Variants in RBFOX2 observed in about 807,000 individuals in gnomAD.
RBFOX2 encodes RNA binding fox-1 homolog 2.
A neutral mutation model predicts 49.1 loss-of-function variants in RBFOX2; 10 were observed. The ratio of observed to expected loss-of-function variants is 0.20; its 90% CI spans 0.13 to 0.35. The LOEUF is 0.35. RBFOX2 is among the 10% of genes least tolerant of loss of function. RBFOX2 has a pLI of 1.00. For missense variants in RBFOX2, 323 were observed against 486.9 expected (o/e 0.66, Z 3.17); for synonymous variants, 183 against 187.4 (o/e 0.98, Z 0.19).
intron 1 of RBFOX2, among the ~76,000 whole-genome samples, chr22:35,820,803 C>T (rs1954285079): frequency 2.0e-5 from 3 of 152,192 alleles, no homozygotes; most frequent in Admixed American, 6.5e-5. Context: ...GACCAACACT[C>T]AGCATCAGGA....
chr22:35,896,313 C>T (rs1569468794), intron 1 of RBFOX2, among the ~76,000 whole-genome samples: 1 of 152,292 alleles, frequency 6.6e-6, no homozygotes, highest in African/African-American at 2.4e-5. Flanking sequence ...AGTAGGTGCA[C>T]AAAACATTCT....
chr22:35,782,187 G>C (rs1348395570), intron 2 of RBFOX2, among the ~76,000 whole-genome samples: 1 of 152,026 alleles, frequency 6.6e-6, no homozygotes, highest in Non-Finnish European at 1.5e-5. Context: ...ATGATCTCAG[G>C]CTCTCTCAAG....
At chr22:35,864,074 C>A (rs1325284493) in intron 1 of RBFOX2, among the ~76,000 whole-genome samples, 3 of 152,152 alleles carry the variant, frequency 2.0e-5, no homozygotes, top group African/African-American at 7.2e-5. Context: ...CAAACATATT[C>A]TCTTAATTTC....
At chr22:35,758,578 G>T (rs1937595195) in intron 9 of RBFOX2, among the ~76,000 whole-genome samples, 1 of 152,156 alleles carries the variant, frequency 6.6e-6, no homozygotes, top group Admixed American at 6.5e-5. Context: ...GATGTCAGAG[G>T]TTGAAGGTCA....
At chr22:35,872,372 G>C (rs894295706) in intron 1 of RBFOX2, among the ~76,000 whole-genome samples, 1 of 152,124 alleles carries the variant, frequency 6.6e-6, no homozygotes, top group Admixed American at 6.5e-5. Context: ...TTAGTTTGCC[G>C]TCTATAGGCG....
chr22:35,820,908 C>A (rs1954310696), intron 1 of RBFOX2, among the ~76,000 whole-genome samples: 1 of 152,100 alleles, frequency 6.6e-6, no homozygotes, highest in South Asian at 2.1e-4. Flanking sequence ...GAACTACATA[C>A]AATAGCCACA....
chr22:35,883,551 A>G (rs534703404), intron 1 of RBFOX2, among the ~76,000 whole-genome samples: 1 of 152,250 alleles, frequency 6.6e-6, no homozygotes, highest in East Asian at 1.9e-4. Context: ...TCTCAATTTC[A>G]TCACCCTCTG....
upstream of RBFOX2, among the ~76,000 whole-genome samples, chr22:35,942,770 G>A (rs532268357): frequency 6.6e-6 from 1 of 151,278 alleles, no homozygotes; most frequent in South Asian, 2.1e-4. Context: ...TATAAAGAAG[G>A]ATATATAACA....
chr22:35,960,709 T>C (rs1457468509), intron 1 of RBFOX2, among the ~76,000 whole-genome samples: 1 of 152,160 alleles, frequency 6.6e-6, no homozygotes, highest in Non-Finnish European at 1.5e-5. Flanking sequence ...CAGATTTGAC[T>C]TTTTGACAAC....
chr22:35,846,716 C>T (rs2041269842), intron 1 of RBFOX2, among the ~76,000 whole-genome samples: 1 of 152,156 alleles, frequency 6.6e-6, no homozygotes, highest in Non-Finnish European at 1.5e-5. Context: ...GATAACACCA[C>T]TGCACTCCAG....
chr22:35,748,734 C>T (rs145065118), intron 9 of RBFOX2: 1 of 152,180 alleles, frequency 6.6e-6, no homozygotes, highest in East Asian at 1.9e-4. Context: ...GTTAAGGCAA[C>T]AAAAGCAGTT....
intron 1 of RBFOX2, among the ~76,000 whole-genome samples, chr22:35,835,398 C>T (rs912447833): frequency 3.3e-5 from 5 of 152,106 alleles, no homozygotes; most frequent in African/African-American, 1.2e-4. Context: ...TAAGGAATTA[C>T]ATGATGAAAA....
chr22:35,780,733 G>A (rs1227700400), intron 3 of RBFOX2, among the ~76,000 whole-genome samples: 1 of 152,146 alleles, frequency 6.6e-6, no homozygotes, highest in Admixed American at 6.5e-5. Flanking sequence ...CTGTCTCTAT[G>A]TTTATAAATA....
At position 35,933,757 on chromosome 22, in the gene RBFOX2, G is replaced by A. The variant is rs78911513; in HGVS notation, c.-34+5090C>T. Reference sequence around the variant, plus strand: ...CAGTTCCCAAGTCTAATAAAGGGACGCTTTTAACAGTCTTAAACCACCTAA... The same window carrying A: ...CAGTTCCCAAGTCTAATAAAGGGACACTTTTAACAGTCTTAAACCACCTAA... On this transcript the variant is annotated intron_variant, in intron 1 of 13. Transcript: ENST00000359369. Among the ~76,000 whole-genome samples, 193 of 151,876 alleles carry A rather than the reference G, an allele frequency of 1.3e-3. 1 individual carries two copies. In the East Asian group the frequency reaches 0.031, roughly 24 times the overall value.
At chr22:35,944,457 T>C (rs572619680) in intron 1 of RBFOX2, among the ~76,000 whole-genome samples, 9 of 152,290 alleles carry the variant, frequency 5.9e-5, no homozygotes, top group Admixed American at 4.6e-4. Context: ...TTACCCAGAA[T>C]ATAGCACATA....
chr22:35,892,514 T>C (rs2047370247), intron 1 of RBFOX2, among the ~76,000 whole-genome samples: 1 of 152,216 alleles, frequency 6.6e-6, no homozygotes, highest in African/African-American at 2.4e-5. Context: ...GGATAAGCTG[T>C]AACTTTTACT....
At chr22:35,904,207 G>C (rs1014449100) in intron 1 of RBFOX2, among the ~76,000 whole-genome samples, 4 of 151,716 alleles carry the variant, frequency 2.6e-5, no homozygotes, top group Admixed American at 6.6e-5. Context: ...AAACTCTCCA[G>C]ACTCCTCTAT....
intron 1 of RBFOX2, among the ~76,000 whole-genome samples, chr22:36,015,609 C>G (rs1044294376): frequency 6.6e-6 from 1 of 152,142 alleles, no homozygotes; most frequent in Non-Finnish European, 1.5e-5. Context: ...CTATCTTATC[C>G]CCTAGAAACT....
intron 1 of RBFOX2, among the ~76,000 whole-genome samples, chr22:35,979,900 G>A (rs534159086): frequency 1.3e-5 from 2 of 152,218 alleles, no homozygotes; most frequent in Non-Finnish European, 1.5e-5. Context: ...TACCTCATTC[G>A]ACAAATAGGT....
Sources: allele counts gnomAD v4.1 joint callset (sites outside exome capture counted in the v4.1 genomes callset), GRCh38; gene constraint gnomAD v4.1.1; transcripts MANE v1.5; gene names NCBI Gene and HGNC (gene_info 2026-07-23, HGNC 2026-07-21).